The following ACOT9 variants were observed in gnomAD, a reference collection of about 807,000 sequenced individuals.
ACOT9 encodes the protein acyl-CoA thioesterase 9.
Under a neutral mutation model 39.7 loss-of-function variants are expected in ACOT9, and 34 were observed. The ratio of observed to expected loss-of-function variants is 0.86; its 90% CI spans 0.65 to 1.14. The LOEUF (loss-of-function observed/expected upper bound fraction) is 1.14. Among genes scored for constraint, ACOT9 ranks in the 50% most tolerant of loss-of-function variants. ACOT9 has a pLI of 0.00. For missense variants in ACOT9, 313 were observed against 344.1 expected, an observed-to-expected ratio of 0.91 and a Z score of 0.71; for synonymous variants, 110 against 120.5, an observed-to-expected ratio of 0.91 and a Z score of 0.57.
chrX:23,743,028 C>T, intron 1 of ACOT9, 97 bp downstream of exon 1: 11 of 1,015,882 alleles, frequency 1.1e-5, no homozygotes, highest in Non-Finnish European at 1.4e-5. Context: ...CCATGCGTGG[C>T]CCACTTCTTC....
intron 4 of ACOT9, among the ~76,000 whole-genome samples, chrX:23,731,518 A>G (rs936148652): frequency 9.1e-6 from 1 of 109,841 alleles, no homozygotes; most frequent in African/African-American, 3.3e-5. Flanking sequence ...ATATAGATAT[A>G]CCCAAATGAG....
At chrX:23,705,953 A>G in intron 11 of ACOT9, 95 bp from the exon 12 acceptor site, 1 of 781,865 alleles carries the variant, frequency 1.3e-6, no homozygotes. Flanking sequence ...ACACTCAGAC[A>G]ACTGTGGCTC....
In ACOT9 at chrX:23,703,201, C is replaced by T. The variant is rs916390586; in HGVS notation, c.*693G>A. ...TCATGTACGGCTGATGGGATTTAGA[C>T]AGCACAGAGCAAGTGGTTAGGTTTA... On this transcript the variant is annotated 3_prime_UTR_variant, in exon 16 of 16. Coordinates refer to ENST00000379303, the MANE Select transcript of ACOT9 (RefSeq NM_001037171.2). 8.9e-6 allele frequency: 1 copy of T among 112,104 alleles called. No homozygotes were observed. The highest frequency in any genetic ancestry group is 1.9e-5 in the Non-Finnish European group (1 of 53,314). 9.2% of individuals were successfully genotyped at this position (112,104 alleles called of 1,213,427 possible).
intron 8 of ACOT9, among the ~76,000 whole-genome samples, chrX:23,721,451 T>A (rs1164883404): frequency 1.1e-5 from 1 of 92,321 alleles, no homozygotes; most frequent in Non-Finnish European, 2.1e-5. Context: ...ATTTATATTA[T>A]TTTTCACTGT....
At position 23,742,919 on chromosome X, in the gene ACOT9, G is replaced by T. The variant is rs1920992955; in HGVS notation, c.20+206C>A. On this transcript the variant is annotated intron_variant, in intron 1 of 15. Coordinates refer to ENST00000379303, the MANE Select transcript of ACOT9 (RefSeq NM_001037171.2). ...AATATCAAACTCAGTGCTAGAAGTC[G>T]CCAAAGTGGGGGCGAGGTTCTCCCA... Among the ~76,000 whole-genome samples the T allele has an allele frequency of 2.7e-5, 3 of 112,854 alleles. No homozygotes were observed. In the Admixed American group the frequency reaches 2.8e-4, roughly 11 times the overall value.
At chrX:23,712,782 AG>A (rs1430079470) in intron 9 of ACOT9, among the ~76,000 whole-genome samples, 1 of 111,996 alleles carries the variant, frequency 8.9e-6, no homozygotes, top group Non-Finnish European at 1.9e-5. Context: ...CACCACGCCC[AG>A]CTAATTTTTG....
chrX:23,741,955 G>C (rs1476676106), intron 1 of ACOT9, among the ~76,000 whole-genome samples: 1 of 110,084 alleles, frequency 9.1e-6, no homozygotes, highest in Non-Finnish European at 1.9e-5. Flanking sequence ...GACTGCAGTC[G>C]TGCACCACCA....
At chrX:23,734,422 A>G (rs72620448) in intron 2 of ACOT9, 55 bp from the exon 3 acceptor site, 72,211 of 1,006,902 alleles carry the variant, frequency 0.072, 3,031 homozygotes, top group Admixed American at 0.27. Flanking sequence ...CAAAACTAAA[A>G]GATAAATCTG....
rs1165082376 is a variant in ACOT9 at position 23,701,522 on chromosome X, C to A, written c.*2372G>T. 9.0e-6 allele frequency among the ~76,000 whole-genome samples: 1 copy of A among 111,476 alleles called. No homozygotes were observed. The highest frequency in any genetic ancestry group is 2.8e-4 in the East Asian group (1 of 3,509). On this transcript the variant is annotated 3_prime_UTR_variant, in exon 16 of 16. Coordinates refer to ENST00000379303, the MANE Select transcript of ACOT9 (RefSeq NM_001037171.2). The stretch of plus-strand genomic sequence containing the variant: ...AGACAGGGTCTTGCTGTCACCCAGA[C>A]TGGAGTGCAGTGGCATGATCATAGC...
intron 8 of ACOT9, among the ~76,000 whole-genome samples, chrX:23,716,744 T>C (rs891951454): frequency 1.8e-5 from 2 of 111,490 alleles, no homozygotes; most frequent in Non-Finnish European, 3.8e-5. Flanking sequence ...TGGAGTACAG[T>C]GGCGCAATCT....
intron 6 of ACOT9, among the ~76,000 whole-genome samples, chrX:23,730,245 C>A (rs888415228): frequency 1.0e-4 from 11 of 109,220 alleles, no homozygotes; most frequent in Non-Finnish European, 9.5e-5. Context: ...CGGCGCCCAC[C>A]AACACAACTG....
In ACOT9 at chrX:23,721,996, A is replaced by C; in HGVS notation, c.485-12T>G. On this transcript the variant is annotated splice_polypyrimidine_tract_variant and intron_variant, in intron 7 of 15. Coordinates refer to ENST00000379303, the MANE Select transcript of ACOT9 (RefSeq NM_001037171.2). ...CTTCTTACACATATCTGCAAAACAG[A>C]AGTCAATCAGGGTCCAAGTCATACC... The C allele has an allele frequency of 2.5e-6, 3 of 1,176,504 alleles. No homozygotes were observed. Among genetic ancestry groups the C allele is most frequent in the Non-Finnish European group, 3.5e-6 (3 of 868,710 alleles).
intron 4 of ACOT9, among the ~76,000 whole-genome samples, chrX:23,731,267 G>A (rs762283143): frequency 8.9e-6 from 1 of 111,737 alleles, no homozygotes; most frequent in Admixed American, 9.6e-5. Context: ...CACGAGGTCA[G>A]GGGTTCAAGA....
chrX:23,702,054 C>T lies in ACOT9; in HGVS notation c.*1840G>A, dbSNP rs867764716. ...TGCCACTGCACTCCAGCTGGAGCGA[C>T]AGAGTGAAACTCTGTCTCACACACA... is the stretch of plus-strand genomic sequence containing the variant. On this transcript the variant is annotated 3_prime_UTR_variant, in exon 16 of 16. Coordinates refer to ENST00000379303, the MANE Select transcript of ACOT9 (RefSeq NM_001037171.2). 1.0e-5 allele frequency among the ~76,000 whole-genome samples: 1 copy of T among 97,310 alleles called. No homozygotes were observed. The highest frequency in any genetic ancestry group is 3.5e-5 in the African/African-American group (1 of 28,219). The allele number at this position is 97,310 out of a possible 115,157, so 84.5% of individuals were successfully genotyped here. A position where few individuals can be genotyped will look rare whatever the true frequency, so the allele number is the denominator to read the frequency against.
chrX:23,736,490 T>TA (rs1929953219), intron 1 of ACOT9, among the ~76,000 whole-genome samples: 1 of 112,122 alleles, frequency 8.9e-6, no homozygotes. Context: ...TTATTTAACT[T>TA]ACGCAGAAAT....
At chrX:23,716,846 C>A (rs1013945396) in intron 8 of ACOT9, among the ~76,000 whole-genome samples, 3 of 109,777 alleles carry the variant, frequency 2.7e-5, no homozygotes, top group African/African-American at 9.9e-5. Flanking sequence ...GCCACCACAC[C>A]AGCTAATTTT....
At chrX:23,711,189 G>A (rs1928884023) in intron 9 of ACOT9, among the ~76,000 whole-genome samples, 1 of 109,013 alleles carries the variant, frequency 9.2e-6, no homozygotes, top group African/African-American at 3.3e-5. Context: ...AAGCATAATG[G>A]GGCATGCCTG....
At chrX:23,725,761 G>T (rs6629735) in intron 6 of ACOT9, among the ~76,000 whole-genome samples, 17,696 of 110,144 alleles carry the variant, frequency 0.16, 1,200 homozygotes, top group African/African-American at 0.24. Flanking sequence ...AGGCTACAGT[G>T]AGCTGTGATC....
chrX:23,703,515 TC>T lies in ACOT9; in HGVS notation c.*378del, dbSNP rs931867791. 8.4e-6 allele frequency: 1 copy of T among 118,990 alleles called. No individual in the cohort carries two copies. The highest frequency in any genetic ancestry group is 1.7e-5 in the Non-Finnish European group (1 of 58,306). 9.8% of individuals were successfully genotyped at this position (118,990 alleles called of 1,213,427 possible). A position where few individuals can be genotyped will look rare whatever the true frequency, so the allele number is the denominator to read the frequency against. ...CTGTATTTTTAGTAGAGACAGGGTTTCACCATGTTGGCCAGGATGGTCTTGA... is the reference window on the plus strand; with the variant it reads ...CTGTATTTTTAGTAGAGACAGGGTTTACCATGTTGGCCAGGATGGTCTTGA... On this transcript the variant is annotated 3_prime_UTR_variant, in exon 16 of 16. Coordinates refer to ENST00000379303, the MANE Select transcript of ACOT9 (RefSeq NM_001037171.2).
Sources: allele counts gnomAD v4.1 joint callset (sites outside exome capture counted in the v4.1 genomes callset), GRCh38; gene constraint gnomAD v4.1.1; transcripts MANE v1.5; gene names NCBI Gene and HGNC (gene_info 2026-07-23, HGNC 2026-07-21).